Variants in ERCC6 observed in about 807,000 individuals in gnomAD.
ERCC6 encodes ERCC excision repair 6, chromatin remodeling factor.
Under a neutral mutation model 158.7 loss-of-function variants are expected in ERCC6, and 116 were observed. The ratio of observed to expected loss-of-function variants is 0.73; its 90% CI spans 0.63 to 0.85. ERCC6 has a LOEUF of 0.85. Ranked by LOEUF, ERCC6 falls within the 40% of genes least tolerant of loss-of-function variation. ERCC6 has a pLI of 0.00. For missense variants in ERCC6, 1,698 were observed against 1,799.4 expected, an observed-to-expected ratio of 0.94 and a Z score of 1.02; for synonymous variants, 678 against 659.3, an observed-to-expected ratio of 1.03 and a Z score of -0.43.
At chr10:49,528,684 A>G (rs553798126) in intron 3 of ERCC6, among the ~76,000 whole-genome samples, 159 bp from the exon 4 acceptor site, 3 of 152,354 alleles carry the variant, frequency 2.0e-5, no homozygotes, top group Admixed American at 1.3e-4. Flanking sequence ...AGAGAGCCCT[A>G]TGTGAGCAAC....
chr10:49,476,724 G>A (rs1198158160), intron 11 of ERCC6, among the ~76,000 whole-genome samples: 1 of 152,080 alleles, frequency 6.6e-6, no homozygotes, highest in African/African-American at 2.4e-5. Flanking sequence ...TCTAAGTGCA[G>A]GCCCATGAGT....
chr10:49,500,852 T>C (rs2132575524), intron 6 of ERCC6, 156 bp from the exon 7 acceptor site: 2 of 758,026 alleles, frequency 2.6e-6, no homozygotes, highest in Non-Finnish European at 4.3e-6. Flanking sequence ...ATTATATTTA[T>C]AAGGTCATAC....
At chr10:49,511,011 CAA>C (rs753649748) in intron 5 of ERCC6, among the ~76,000 whole-genome samples, 8 of 118,370 alleles carry the variant, frequency 6.8e-5, no homozygotes, top group East Asian at 2.4e-4. Context: ...AATCTTATAA[CAA>C]AAAAAAAAAA....
chr10:49,516,174 T>C (rs771764451), intron 5 of ERCC6: 1 of 1,614,200 alleles, frequency 6.2e-7, no homozygotes, highest in South Asian at 1.1e-5. Flanking sequence ...GTTTTTACCC[T>C]GATACGGCTG....
chr10:49,444,865 T>C, the ERCC6 span, among the ~76,000 whole-genome samples: 4 of 152,094 alleles, frequency 2.6e-5, no homozygotes, highest in Non-Finnish European at 5.9e-5. Context: ...AAAATAACTA[T>C]ACAGCAATTT....
chr10:49,442,165 T>C, the ERCC6 span, among the ~76,000 whole-genome samples: 2 of 152,204 alleles, frequency 1.3e-5, no homozygotes, highest in African/African-American at 4.8e-5. Context: ...GTTAAACAAA[T>C]GCCTGGTTTT....
Position 49,524,405 on chromosome 10 carries a change from A to G in ERCC6, c.1025T>C (p.Phe342Ser). The change falls in exon 5 of 21, where the codon TTC becomes TCC. Residue 342 changes from phenylalanine (F) to serine (S), a missense_variant. Physicochemically the swap from Phe to Ser is radical, Grantham distance 155 (BLOSUM62 -2). Transcript: ENST00000355832. Reference sequence around the variant, plus strand: ...CTTTGGCAATCCCACTTTCCCCTGGAACTGCAAAGCCCTCTTCTGGAGTTT... The same window carrying G: ...CTTTGGCAATCCCACTTTCCCCTGGGACTGCAAAGCCCTCTTCTGGAGTTT... ...IKKLQKRALQ[F>S]QGKVGLPKAR... 6.2e-7 allele frequency: 1 copy of G among 1,614,078 alleles called. No homozygotes were observed. Among genetic ancestry groups the G allele is most frequent in the African/African-American group, 1.3e-5 (1 of 74,988 alleles).
At position 49,528,459 on chromosome 10, in the gene ERCC6, C is replaced by G; in HGVS notation, c.610G>C (p.Val204Leu). The G allele has an allele frequency of 6.2e-7, 1 of 1,614,192 alleles. No individual in the cohort carries two copies. Among genetic ancestry groups the G allele is most frequent in the South Asian group, 1.1e-5 (1 of 91,086 alleles). Residue 204 changes from valine to leucine, a missense_variant, in exon 4 of 21, where the codon GTG becomes CTG. Coordinates refer to ENST00000355832, the MANE Select transcript of ERCC6 (RefSeq NM_000124.4). ...HLQAILGGAE[V>L]KIELDHASLE... is the part of the protein sequence containing the mutation. The stretch of plus-strand genomic sequence containing the variant: ...CTGGCGTGATCTAGTTCAATTTTCA[C>G]CTCTGCTCCTCCAAGGATGGCCTGG...
At chr10:49,472,782 A>C in intron 15 of ERCC6, 127 bp downstream of exon 15, 1 of 1,158,914 alleles carries the variant, frequency 8.6e-7, no homozygotes, top group Non-Finnish European at 1.2e-6. Flanking sequence ...ACGTTGAAGA[A>C]CAGGAGACAA....
chr10:49,442,806 T>C, the ERCC6 span, among the ~76,000 whole-genome samples: 1 of 152,256 alleles, frequency 6.6e-6, no homozygotes, highest in Non-Finnish European at 1.5e-5. Flanking sequence ...TTCACTTCCA[T>C]CTTTTTATTC....
chr10:49,521,368 C>T (rs3750748), intron 5 of ERCC6, among the ~76,000 whole-genome samples: 15,165 of 152,140 alleles, frequency 0.1, 1,121 homozygotes, highest in East Asian at 0.39. Flanking sequence ...AGGTGCTCAC[C>T]GGGAACCCAC....
rs1179934868 is a variant in ERCC6 at position 49,486,948 on chromosome 10, C to A, written c.1822-3432G>T. On this transcript the variant is annotated intron_variant, in intron 8 of 20. Transcript: ENST00000355832. Reference sequence around the variant, plus strand: ...TCTAAACTAGAGATCCACTACTTTACAGATAAAACCTAGTAATATATTAAC... The same window carrying A: ...TCTAAACTAGAGATCCACTACTTTAAAGATAAAACCTAGTAATATATTAAC... Among the ~76,000 whole-genome samples the A allele has an allele frequency of 2.0e-5, 3 of 152,302 alleles. No homozygotes were observed. In the East Asian group the frequency reaches 5.8e-4, roughly 29 times the overall value.
At chr10:49,467,208 G>C (rs536356846) in intron 18 of ERCC6, among the ~76,000 whole-genome samples, 2 of 152,144 alleles carry the variant, frequency 1.3e-5, no homozygotes, top group African/African-American at 4.8e-5. Flanking sequence ...ACAAGCCTTC[G>C]TATGGACATA....
At chr10:49,538,826 C>G (rs900640401) in intron 1 of ERCC6, 136 bp downstream of exon 1, 1 of 152,270 alleles carries the variant, frequency 6.6e-6, no homozygotes, top group African/African-American at 2.4e-5. Context: ...CCCTAAGACC[C>G]GCTACAGTGC....
Position 49,524,693 on chromosome 10 carries a change from G to A in ERCC6, c.737C>T (p.Thr246Ile), listed in dbSNP as rs1837268981. The A allele has an allele frequency of 1.2e-6, 2 of 1,612,038 alleles. No homozygotes were observed. The highest frequency in any genetic ancestry group is 1.3e-5 in the African/African-American group (1 of 75,044). ...CTGAGGGATCTGGGTACCAAAAGGT[G>A]TCATCTGGCCAGTGCGGATGAGCTC... ...WEELIRTGQM[T>I]PFGTQIPQKQ... is the part of the protein sequence containing the mutation. The change falls in exon 5 of 21, where the codon ACA becomes ATA. Residue 246 changes from threonine to isoleucine, a missense_variant. Transcript: ENST00000355832.
chr10:49,534,558 A>G (rs1484281145), intron 1 of ERCC6, among the ~76,000 whole-genome samples: 2 of 152,250 alleles, frequency 1.3e-5, no homozygotes. Flanking sequence ...ATGATCTGGC[A>G]GGATACAAAC....
rs770460188 is a variant in ERCC6 at position 49,472,912 on chromosome 10, C to T, written c.2826G>A (p.Thr942=). The T allele has an allele frequency of 7.4e-6, 12 of 1,613,880 alleles. 1 individual carries two copies. Among genetic ancestry groups the T allele is most frequent in the South Asian group, 3.3e-5 (3 of 91,020 alleles). The part of the protein sequence containing the change: ...YDPDWNPSTD[T]QARERAWRIG... ...TAAAAAAAAAATAAAAACAAACCTG[C>T]GTGTCCGTGCTTGGGTTCCAGTCTG... The change falls in exon 15 of 21, where the codon ACG becomes ACA. Residue 942 remains threonine (T), a synonymous_variant. Coordinates refer to ENST00000355832, the MANE Select transcript of ERCC6 (RefSeq NM_000124.4).
downstream of ERCC6, among the ~76,000 whole-genome samples, chr10:49,449,560 C>CTCTTTT (rs1850395466): frequency 1.5e-5 from 1 of 68,024 alleles, no homozygotes; most frequent in African/African-American, 6.2e-5. Context: ...ATAGTTAGGT[C>CTCTTTT]TTTTTTTTTT....
intron 7 of ERCC6, among the ~76,000 whole-genome samples, chr10:49,494,497 G>A (rs1290563814): frequency 2.0e-5 from 3 of 152,128 alleles, no homozygotes; most frequent in Non-Finnish European, 4.4e-5. Context: ...AACTGGTTGT[G>A]GCCATTGTCT....
Sources: gnomAD v4.1 joint callset for allele counts (sites outside exome capture counted in the v4.1 genomes callset) on GRCh38, gnomAD v4.1.1 for gene constraint, MANE v1.5 for transcripts, NCBI Gene and HGNC (gene_info 2026-07-23, HGNC 2026-07-21) for gene names.